The following DOCK8 variants were observed in gnomAD, a reference collection of about 807,000 sequenced individuals.
DOCK8 encodes dedicator of cytokinesis 8.
Under a neutral mutation model 245.6 loss-of-function variants are expected in DOCK8, and 141 were observed. That is an observed-to-expected ratio of 0.57 (90% confidence interval 0.50 to 0.66). The LOEUF (loss-of-function observed/expected upper bound fraction) is 0.66. Ranked by LOEUF, DOCK8 falls within the 30% of genes least tolerant of loss-of-function variation. The pLI is 0.00. For synonymous variants in DOCK8, 1,168 were observed against 970.2 expected, an observed-to-expected ratio of 1.20 and a Z score of -3.79; for missense variants, 2,965 against 2,603.4, an observed-to-expected ratio of 1.14 and a Z score of -3.02.
At chr9:271,789 G>A (rs924476484) in intron 2 of DOCK8, 60 bp downstream of exon 2, 2 of 1,184,058 alleles carry the variant, frequency 1.7e-6, no homozygotes, top group Admixed American at 2.1e-5. Context: ...CCCAGGGTAT[G>A]TGTTTGCCTC....
At chr9:240,262 G>A (rs949070156) in intron 1 of DOCK8, among the ~76,000 whole-genome samples, 1 of 152,076 alleles carries the variant, frequency 6.6e-6, no homozygotes. Flanking sequence ...CAGGTTATCA[G>A]AAACAAATCA....
rs2055021158 is a variant in DOCK8 at position 400,952 on chromosome 9, A to ACCATCACCT, written c.3234+1696_3234+1697insTCACCTCCA. 3.0e-5 allele frequency among the ~76,000 whole-genome samples: 2 copies of ACCATCACCT among 67,440 alleles called. 1 individual carries two copies. Among genetic ancestry groups the ACCATCACCT allele is most frequent in the Non-Finnish European group, 7.2e-5 (2 of 27,948 alleles). The allele number at this position is 67,440 out of a possible 152,430, so 44.2% of individuals were successfully genotyped here. The stretch of plus-strand genomic sequence containing the variant: ...CACAACATCCACCACCACCATCACC[A>ACCATCACCT]CCACCACCACCACCTCCTCCACCAT... On this transcript the variant is annotated intron_variant, in intron 26 of 47. Coordinates refer to ENST00000432829, the MANE Select transcript of DOCK8 (RefSeq NM_203447.4).
intron 40 of DOCK8, 67 bp downstream of exon 40, chr9:439,455 A>T: frequency 6.3e-7 from 1 of 1,595,440 alleles, no homozygotes; most frequent in Non-Finnish European, 8.5e-7. Flanking sequence ...GGTGCTGGGA[A>T]CACCTGGTCT....
chr9:315,554 CTGTA>C (rs2050306718), intron 6 of DOCK8, among the ~76,000 whole-genome samples: 2 of 152,108 alleles, frequency 1.3e-5, no homozygotes, highest in African/African-American at 4.8e-5. Flanking sequence ...AATGGTATTG[CTGTA>C]TGTTTTTAAA....
intron 23 of DOCK8, among the ~76,000 whole-genome samples, chr9:387,394 G>C (rs1209246070): frequency 6.7e-6 from 1 of 149,612 alleles, no homozygotes; most frequent in African/African-American, 2.5e-5. Context: ...AGTGAGCTGA[G>C]ATCGTGCCAC....
Position 370,217 on chromosome 9 carries a change from T to TA in DOCK8, c.1798-12dup. On this transcript the variant is annotated splice_polypyrimidine_tract_variant and intron_variant, in intron 15 of 47. Transcript: ENST00000432829. ...GTTACTGATAATTTGATCCTTTCTC[T>TA]ACTGGTGAACAGGTCATCTTTGGAA... 6.2e-7 allele frequency: 1 copy of TA among 1,611,064 alleles called. No homozygotes were observed. The highest frequency in any genetic ancestry group is 8.5e-7 in the Non-Finnish European group (1 of 1,177,176).
intron 26 of DOCK8, among the ~76,000 whole-genome samples, chr9:404,515 A>T (rs1297738503): frequency 1.3e-5 from 2 of 152,158 alleles, no homozygotes; most frequent in African/African-American, 4.8e-5. Flanking sequence ...ATCTAGTCAT[A>T]TTCTATTAGT....
chr9:356,066 G>C (rs1200584167), intron 14 of DOCK8, among the ~76,000 whole-genome samples: 3 of 152,180 alleles, frequency 2.0e-5, no homozygotes, highest in Non-Finnish European at 4.4e-5. Context: ...ATATTTCTGA[G>C]CCATCCCTAT....
Position 355,192 on chromosome 9 carries a change from C to CTTT in DOCK8, c.1680-12798_1680-12796dup, listed in dbSNP as rs749045514. 5.8e-5 allele frequency among the ~76,000 whole-genome samples: 7 copies of CTTT among 121,086 alleles called. 1 individual carries two copies. Among genetic ancestry groups the CTTT allele is most frequent in the Non-Finnish European group, 1.0e-4 (6 of 60,006 alleles). The allele number at this position is 121,086 out of a possible 152,430, so 79.4% of individuals were successfully genotyped here. A position where few individuals can be genotyped will look rare whatever the true frequency, so the allele number is the denominator to read the frequency against. On this transcript the variant is annotated intron_variant, in intron 14 of 47. Coordinates refer to ENST00000432829, the MANE Select transcript of DOCK8 (RefSeq NM_203447.4). ...AGACTGGTGTATTTCTGTTTCTTTT[C>CTTT]TTTTTTTTTTTTTTTTTTTTTTTTT...
intron 9 of DOCK8, 68 bp downstream of exon 9, chr9:328,239 T>A: frequency 1.9e-6 from 3 of 1,547,028 alleles, no homozygotes; most frequent in Non-Finnish European, 2.6e-6. Context: ...AGCACATGTT[T>A]GGGGTGCACG....
At chr9:399,726 G>A (rs77986403) in intron 26 of DOCK8, among the ~76,000 whole-genome samples, 2 of 151,984 alleles carry the variant, frequency 1.3e-5, no homozygotes, top group East Asian at 3.9e-4. Flanking sequence ...TAATTTCACT[G>A]AGCACATAGC....
At chr9:311,912 C>T (rs1270115803) in intron 5 of DOCK8, 42 bp from the exon 6 acceptor site, 2 of 1,606,982 alleles carry the variant, frequency 1.2e-6, no homozygotes, top group Non-Finnish European at 1.7e-6. Flanking sequence ...TCATTTTAGA[C>T]TTGCCGTCTC....
At chr9:215,541 A>G in intron 1 of DOCK8, 1 of 1,190,062 alleles carries the variant, frequency 8.4e-7, no homozygotes, top group South Asian at 2.6e-5. Context: ...TTCCAGAAAG[A>G]GCTTGGCTCC....
Position 432,255 on chromosome 9 carries a change from A to C in DOCK8, c.4716A>C (p.Arg1572Ser), listed in dbSNP as rs866410027. The change falls in exon 37 of 48, where the codon AGA becomes AGC. Residue 1572 changes from arginine to serine, a missense_variant. Transcript: ENST00000432829. ...APDFNEEHLR[R>S]SLRTILAYSE... ...ACTTTAATGAAGAGCACCTGAGAAG[A>C]TCCTTGAGGACAATTTTGGCCTATT... 5.0e-6 allele frequency: 8 copies of C among 1,613,830 alleles called. No individual in the cohort carries two copies. The highest frequency in any genetic ancestry group is 6.8e-6 in the Non-Finnish European group (8 of 1,179,980).
At chr9:350,371 C>T (rs2052103175) in intron 14 of DOCK8, among the ~76,000 whole-genome samples, 1 of 152,318 alleles carries the variant, frequency 6.6e-6, no homozygotes, top group East Asian at 1.9e-4. Context: ...CTCAGCTTCC[C>T]AAAGCACTGG....
At chr9:226,712 T>A (rs2046996918) in intron 1 of DOCK8, among the ~76,000 whole-genome samples, 1 of 152,160 alleles carries the variant, frequency 6.6e-6, no homozygotes, top group African/African-American at 2.4e-5. Context: ...AGCAGGCTTT[T>A]AGGGTGAATC....
chr9:426,876 G>T lies in DOCK8; in HGVS notation c.4242-9G>T. On this transcript the variant is annotated splice_polypyrimidine_tract_variant and intron_variant, in intron 33 of 47. Coordinates refer to ENST00000432829, the MANE Select transcript of DOCK8 (RefSeq NM_203447.4). ...ATGCGCTTTAATTTGACCTCTTGTT[G>T]TTTCCTAGAACAAAGGCCGAGTTAG... is the stretch of plus-strand genomic sequence containing the variant. 6.2e-7 allele frequency: 1 copy of T among 1,613,714 alleles called. No homozygotes were observed. The highest frequency in any genetic ancestry group is 1.1e-5 in the South Asian group (1 of 91,064).
At chr9:370,339 GT>G (rs2053229437) in intron 16 of DOCK8, 39 bp downstream of exon 16, 1 of 1,571,490 alleles carries the variant, frequency 6.4e-7, no homozygotes, top group Non-Finnish European at 8.8e-7. Flanking sequence ...TGCCAAGATG[GT>G]TTCATCATCT....
At chr9:329,404 A>G (rs1457105523) in intron 9 of DOCK8, among the ~76,000 whole-genome samples, 1 of 152,150 alleles carries the variant, frequency 6.6e-6, no homozygotes, top group Admixed American at 6.5e-5. Flanking sequence ...CAAATAATTC[A>G]GGTAGCTTTG....
Sources: gnomAD v4.1 joint callset for allele counts (sites outside exome capture counted in the v4.1 genomes callset) on GRCh38, gnomAD v4.1.1 for gene constraint, MANE v1.5 for transcripts, NCBI Gene and HGNC (gene_info 2026-07-23, HGNC 2026-07-21) for gene names.